The following CLYBL variants were observed in gnomAD, a reference collection of about 807,000 sequenced individuals.
The protein encoded by CLYBL is citramalyl-CoA lyase, mitochondrial.
Under a neutral mutation model 38.9 loss-of-function variants are expected in CLYBL, and 31 were observed. The ratio of observed to expected loss-of-function variants is 0.80; its 90% CI spans 0.60 to 1.08. The LOEUF (loss-of-function observed/expected upper bound fraction) is 1.08, where lower values mean the gene tolerates loss of function less well. Among genes scored for constraint, CLYBL ranks in the 50% least tolerant of loss-of-function variants. CLYBL has a pLI of 0.00. For missense variants in CLYBL, 434 were observed against 411.6 expected, an observed-to-expected ratio of 1.05 and a Z score of -0.47; for synonymous variants, 171 against 158.6, an observed-to-expected ratio of 1.08 and a Z score of -0.59.
At chr13:99,624,588 C>G (rs1173931792) in intron 1 of CLYBL, among the ~76,000 whole-genome samples, 1 of 152,176 alleles carries the variant, frequency 6.6e-6, no homozygotes, top group African/African-American at 2.4e-5. Flanking sequence ...GCGCATCTTC[C>G]GTACAACTGG....
At chr13:99,731,718 T>C (rs916047930) in intron 1 of CLYBL, among the ~76,000 whole-genome samples, 2 of 152,114 alleles carry the variant, frequency 1.3e-5, no homozygotes, top group African/African-American at 4.8e-5. Flanking sequence ...ACATGGACAG[T>C]GGACCCCTGG....
chr13:99,797,560 T>TGTGTGTG (rs2050046535), intron 2 of CLYBL, among the ~76,000 whole-genome samples: 4 of 141,708 alleles, frequency 2.8e-5, no homozygotes. Context: ...TGTTAGCTGT[T>TGTGTGTG]TGTGTGTGTG....
At chr13:99,787,226 GC>G (rs2049815197) in intron 2 of CLYBL, among the ~76,000 whole-genome samples, 1 of 151,986 alleles carries the variant, frequency 6.6e-6, no homozygotes, top group Non-Finnish European at 1.5e-5. Context: ...GTCAATTTTG[GC>G]TTTTGTTGCC....
At chr13:99,776,840 G>C (rs2049528092) in intron 2 of CLYBL, among the ~76,000 whole-genome samples, 1 of 151,826 alleles carries the variant, frequency 6.6e-6, no homozygotes, top group Non-Finnish European at 1.5e-5. Flanking sequence ...CATTTTACAA[G>C]TAAGGAAATT....
intron 2 of CLYBL, among the ~76,000 whole-genome samples, chr13:99,840,456 AAATTT>A (rs967269571): frequency 1.3e-5 from 2 of 152,006 alleles, no homozygotes; most frequent in Non-Finnish European, 2.9e-5. Flanking sequence ...TATTAAAAAT[AAATTT>A]AACAAAAACC....
At chr13:99,635,892 T>A (rs1351762272) in intron 1 of CLYBL, among the ~76,000 whole-genome samples, 1 of 152,244 alleles carries the variant, frequency 6.6e-6, no homozygotes, top group Non-Finnish European at 1.5e-5. Flanking sequence ...ATATATAAAG[T>A]GCTTGGTGTG....
intron 1 of CLYBL, among the ~76,000 whole-genome samples, chr13:99,653,370 C>T (rs577904844): frequency 4.7e-4 from 71 of 149,676 alleles, no homozygotes; most frequent in South Asian, 1.1e-3. Flanking sequence ...CAAGGAGGAC[C>T]GGCCAAAAAA....
intron 2 of CLYBL, among the ~76,000 whole-genome samples, chr13:99,810,957 A>G (rs1222096130): frequency 6.6e-6 from 1 of 152,164 alleles, no homozygotes; most frequent in East Asian, 1.9e-4. Context: ...TTTACAAAGA[A>G]ACAGAAGCCT....
At chr13:99,677,797 C>T (rs1417430274) in intron 1 of CLYBL, among the ~76,000 whole-genome samples, 4 of 152,148 alleles carry the variant, frequency 2.6e-5, no homozygotes, top group Non-Finnish European at 5.9e-5. Flanking sequence ...TTTATTTGTA[C>T]ATAAAAAGAT....
chr13:99,897,428 G>A (rs1235188857), downstream of CLYBL, among the ~76,000 whole-genome samples: 1 of 152,126 alleles, frequency 6.6e-6, no homozygotes, highest in Non-Finnish European at 1.5e-5. Context: ...GCTCTTGTTC[G>A]AGAACAAACC....
At chr13:99,647,437 C>T (rs1200657470) in intron 1 of CLYBL, among the ~76,000 whole-genome samples, 2 of 151,786 alleles carry the variant, frequency 1.3e-5, no homozygotes, top group Non-Finnish European at 2.9e-5. Context: ...CCCCCGGCCC[C>T]GCCCCCCATC....
At chr13:99,664,378 C>T (rs1393548718) in intron 1 of CLYBL, among the ~76,000 whole-genome samples, 1 of 152,188 alleles carries the variant, frequency 6.6e-6, no homozygotes, top group Non-Finnish European at 1.5e-5. Context: ...AAGCCAGTTG[C>T]AAAATGCTGC....
At chr13:99,653,503 G>A (rs2047285487) in intron 1 of CLYBL, among the ~76,000 whole-genome samples, 1 of 152,124 alleles carries the variant, frequency 6.6e-6, no homozygotes. Flanking sequence ...CAAAGATCAT[G>A]GTGCTTGTTC....
At chr13:99,777,311 T>C (rs2049539225) in intron 2 of CLYBL, among the ~76,000 whole-genome samples, 2 of 152,152 alleles carry the variant, frequency 1.3e-5, no homozygotes. Context: ...ATGTTCCCAA[T>C]CTACTTGTCC....
intron 1 of CLYBL, among the ~76,000 whole-genome samples, chr13:99,626,548 T>C (rs1178352046): frequency 6.6e-6 from 1 of 152,200 alleles, no homozygotes; most frequent in Non-Finnish European, 1.5e-5. Flanking sequence ...ACATTCACAG[T>C]GCGCTGTGAA....
At chr13:99,878,034 A>G (rs1349544127) in intron 7 of CLYBL, among the ~76,000 whole-genome samples, 1 of 152,180 alleles carries the variant, frequency 6.6e-6, no homozygotes, top group Non-Finnish European at 1.5e-5. Flanking sequence ...TCTCTACCGT[A>G]GCACGCACCT....
chr13:99,647,030 G>A (rs1338047652), intron 1 of CLYBL, among the ~76,000 whole-genome samples: 1 of 152,146 alleles, frequency 6.6e-6, no homozygotes, highest in East Asian at 1.9e-4. Context: ...GGCCTCCCAT[G>A]CTTTGGGAAT....
intron 7 of CLYBL, among the ~76,000 whole-genome samples, chr13:99,876,960 T>A (rs1190450687): frequency 1.3e-5 from 2 of 152,124 alleles, no homozygotes; most frequent in Admixed American, 1.3e-4. Flanking sequence ...CCACGTGCCG[T>A]TCCCCACACG....
At chr13:99,641,192 T>A (rs1197097363) in intron 1 of CLYBL, among the ~76,000 whole-genome samples, 2 of 152,214 alleles carry the variant, frequency 1.3e-5, no homozygotes, top group African/African-American at 4.8e-5. Context: ...ACAACCTCAA[T>A]GATATAAGTT....
Sources: gnomAD v4.1 joint callset for allele counts (sites outside exome capture counted in the v4.1 genomes callset) on GRCh38, gnomAD v4.1.1 for gene constraint, MANE v1.5 for transcripts, NCBI Gene and HGNC (gene_info 2026-07-23, HGNC 2026-07-21) for gene names.